The following CMIP variants were observed in gnomAD, a reference collection of about 807,000 sequenced individuals.
CMIP encodes C-Maf-inducing protein.
CMIP carries 13 observed loss-of-function variants against 97.3 expected under a neutral mutation model. The ratio of observed to expected loss-of-function variants is 0.13; its 90% CI spans 0.09 to 0.21. CMIP has a LOEUF of 0.21. Ranked by LOEUF, CMIP falls within the 10% of genes least tolerant of loss-of-function variation. The pLI, the probability that CMIP is intolerant of heterozygous loss-of-function variation, is 1.00. For synonymous variants in CMIP, 538 were observed against 436.3 expected, an observed-to-expected ratio of 1.23 and a Z score of -2.91; for missense variants, 847 against 1,024.9, an observed-to-expected ratio of 0.83 and a Z score of 2.37.
At chr16:81,541,400 TC>T (rs1166649524) in intron 1 of CMIP, among the ~76,000 whole-genome samples, 3 of 152,188 alleles carry the variant, frequency 2.0e-5, no homozygotes, top group Non-Finnish European at 2.9e-5. Context: ...CCTGTAACTT[TC>T]AGTGGCAGAG....
In CMIP at chr16:81,461,270, T is replaced by G. The variant is rs1274677313; in HGVS notation, c.300+15729T>G. On this transcript the variant is annotated intron_variant, in intron 1 of 20. Transcript: ENST00000537098. ...TGACTGAATTCAGCCATGGCCCATG[T>G]TGGAAAATGTTAGCCTATTTTTCCT... is the stretch of plus-strand genomic sequence containing the variant. 2.0e-5 allele frequency among the ~76,000 whole-genome samples: 3 copies of G among 152,228 alleles called. No individual in the cohort carries two copies. In the East Asian group the frequency reaches 5.8e-4, roughly 29 times the overall value.
At chr16:81,643,006 T>C (rs1246740049) in intron 3 of CMIP, among the ~76,000 whole-genome samples, 1 of 152,244 alleles carries the variant, frequency 6.6e-6, no homozygotes, top group African/African-American at 2.4e-5. Context: ...GACGGTATGC[T>C]AAGTGGACAG....
chr16:81,556,678 G>A (rs1029578375), intron 1 of CMIP, among the ~76,000 whole-genome samples: 12 of 152,198 alleles, frequency 7.9e-5, no homozygotes, highest in African/African-American at 2.9e-4. Flanking sequence ...CGACAGTGGC[G>A]ATGGTTGCAC....
chr16:81,700,065 A>C (rs1342760175), intron 15 of CMIP, among the ~76,000 whole-genome samples: 2 of 152,032 alleles, frequency 1.3e-5, no homozygotes, highest in African/African-American at 4.8e-5. Flanking sequence ...GTAACAAACC[A>C]CCTCTAAGTG....
rs116384651 is a variant in CMIP at position 81,637,620 on chromosome 16, C to G, written c.478-14583C>G. 3.2e-3 allele frequency among the ~76,000 whole-genome samples: 487 copies of G among 149,946 alleles called. 2 individuals carry two copies. Among genetic ancestry groups the G allele is most frequent in the African/African-American group, 0.011 (460 of 40,742 alleles). Reference sequence around the variant, plus strand: ...TTCAAGTGTAGATCTGCCCGACTCTCCGTTTGTGATGATGCACACATCTGC... The same window carrying G: ...TTCAAGTGTAGATCTGCCCGACTCTGCGTTTGTGATGATGCACACATCTGC... On this transcript the variant is annotated intron_variant, in intron 3 of 20. Coordinates refer to ENST00000537098, the MANE Select transcript of CMIP (RefSeq NM_198390.3).
intron 1 of CMIP, among the ~76,000 whole-genome samples, chr16:81,592,736 G>A (rs1169192365): frequency 6.6e-6 from 1 of 152,186 alleles, no homozygotes; most frequent in African/African-American, 2.4e-5. Flanking sequence ...CTCCTCCATG[G>A]AACTGGGGAG....
chr16:81,590,041 C>CT (rs150173036), intron 1 of CMIP, among the ~76,000 whole-genome samples: 6,304 of 152,238 alleles, frequency 0.041, 439 homozygotes, highest in African/African-American at 0.14. Context: ...ACTGCAGGGG[C>CT]TGCCCTCAGG....
chr16:81,471,715 G>C (rs1238718280), intron 1 of CMIP, among the ~76,000 whole-genome samples: 2 of 152,180 alleles, frequency 1.3e-5, no homozygotes, highest in Admixed American at 1.3e-4. Flanking sequence ...GTACATACTG[G>C]TGATAAAGTT....
chr16:81,478,436 C>T (rs1908062558), intron 1 of CMIP, among the ~76,000 whole-genome samples: 1 of 152,176 alleles, frequency 6.6e-6, no homozygotes, highest in South Asian at 2.1e-4. Context: ...AGATAGTGAG[C>T]TCCCTGAGAA....
chr16:81,704,714 G>T (rs1597278380), intron 18 of CMIP, among the ~76,000 whole-genome samples: 1 of 45,886 alleles, frequency 2.2e-5, no homozygotes, highest in Non-Finnish European at 4.3e-5. Flanking sequence ...CCTCCTCCCT[G>T]CCCCCTCACC....
intron 1 of CMIP, among the ~76,000 whole-genome samples, chr16:81,573,717 A>T (rs566637035): frequency 1.3e-5 from 2 of 152,348 alleles, no homozygotes; most frequent in African/African-American, 4.8e-5. Flanking sequence ...TTTAAACCTC[A>T]GTCTCCTCAT....
intron 1 of CMIP, chr16:81,519,630 C>G (rs1335900558): frequency 6.6e-6 from 1 of 152,242 alleles, no homozygotes; most frequent in Non-Finnish European, 1.5e-5. Context: ...TTTAACCTCA[C>G]TTGAGGAAAT....
intron 7 of CMIP, among the ~76,000 whole-genome samples, chr16:81,669,401 C>A (rs1166334836): frequency 9.3e-6 from 1 of 107,206 alleles, no homozygotes; most frequent in African/African-American, 3.1e-5. Context: ...TCACACTCAC[C>A]TCCTTCCACA....
chr16:81,696,795 C>A, intron 14 of CMIP, 128 bp downstream of exon 14: 1 of 746,590 alleles, frequency 1.3e-6, no homozygotes, highest in South Asian at 1.9e-5. Context: ...CAGTGCTGAT[C>A]ATGAAGGTGG....
intron 1 of CMIP, among the ~76,000 whole-genome samples, chr16:81,456,956 C>G (rs1419886614): frequency 6.6e-6 from 1 of 152,144 alleles, no homozygotes; most frequent in Non-Finnish European, 1.5e-5. Flanking sequence ...CACCTGCCCT[C>G]GTTGAACCTG....
chr16:81,521,817 G>T (rs1396256298), intron 1 of CMIP, among the ~76,000 whole-genome samples: 1 of 152,130 alleles, frequency 6.6e-6, no homozygotes, highest in Non-Finnish European at 1.5e-5. Flanking sequence ...TTCTACAATT[G>T]GGAGTTGGCC....
chr16:81,632,633 G>A (rs1160093843), intron 3 of CMIP, among the ~76,000 whole-genome samples: 1 of 152,230 alleles, frequency 6.6e-6, no homozygotes, highest in African/African-American at 2.4e-5. Flanking sequence ...CAGGCCAGAG[G>A]CAGTACAAGG....
At chr16:81,524,835 C>T (rs1167282067) in intron 1 of CMIP, among the ~76,000 whole-genome samples, 4 of 151,630 alleles carry the variant, frequency 2.6e-5, no homozygotes, top group African/African-American at 4.8e-5. Context: ...ATTCCTCTGC[C>T]CAGGCTGGAG....
At chr16:81,513,651 G>A (rs907694532) in intron 1 of CMIP, among the ~76,000 whole-genome samples, 3 of 152,208 alleles carry the variant, frequency 2.0e-5, no homozygotes, top group East Asian at 1.9e-4. Flanking sequence ...GTGCAGACCC[G>A]TGGGTCTAGG....
Sources: allele counts gnomAD v4.1 joint callset (sites outside exome capture counted in the v4.1 genomes callset), GRCh38; gene constraint gnomAD v4.1.1; transcripts MANE v1.5; gene names NCBI Gene and HGNC (gene_info 2026-07-23, HGNC 2026-07-21).